The following LINGO2 variants were observed in gnomAD, a reference collection of about 807,000 sequenced individuals.
LINGO2 encodes leucine-rich repeat and immunoglobulin-like domain-containing nogo receptor-interacting protein 2.
Under a neutral mutation model 30.6 loss-of-function variants are expected in LINGO2, and 14 were observed. That is an observed-to-expected ratio of 0.46 (90% CI 0.30 to 0.72). The LOEUF (loss-of-function observed/expected upper bound fraction) is 0.72. LINGO2 is among the 30% of genes least tolerant of loss of function. The pLI, the probability that LINGO2 is intolerant of heterozygous loss-of-function variation, is 0.07. For synonymous variants in LINGO2, 317 were observed against 288.5 expected (o/e 1.10, Z -1.00); for missense variants, 729 against 751.7 (o/e 0.97, Z 0.35).
the LINGO2 span, among the ~76,000 whole-genome samples, chr9:29,202,043 A>G: frequency 6.6e-6 from 1 of 152,048 alleles, no homozygotes; most frequent in Non-Finnish European, 1.5e-5. Flanking sequence ...TAAATGTTCT[A>G]AAAATCACAG....
chr9:28,424,250 A>T (rs1233406637), intron 2 of LINGO2, among the ~76,000 whole-genome samples: 1 of 152,144 alleles, frequency 6.6e-6, no homozygotes, highest in African/African-American at 2.4e-5. Flanking sequence ...CACTTTGTGT[A>T]GAAGAACATG....
At chr9:28,509,444 G>A (rs1820282076) in intron 1 of LINGO2, among the ~76,000 whole-genome samples, 1 of 151,900 alleles carries the variant, frequency 6.6e-6, no homozygotes, top group African/African-American at 2.4e-5. Flanking sequence ...TTCCTATCTG[G>A]ATATTTTTCT....
chr9:28,474,311 T>C (rs1825642307), intron 2 of LINGO2, among the ~76,000 whole-genome samples: 1 of 152,162 alleles, frequency 6.6e-6, no homozygotes, highest in Admixed American at 6.5e-5. Flanking sequence ...CTTAGAATTG[T>C]ACACAGGTCG....
intron 1 of LINGO2, among the ~76,000 whole-genome samples, chr9:28,571,101 A>G (rs1823668583): frequency 6.6e-6 from 1 of 151,972 alleles, no homozygotes; most frequent in Admixed American, 6.6e-5. Context: ...GAGATCCATG[A>G]TGTAGACTGA....
At chr9:28,462,252 C>T (rs1216807814) in intron 2 of LINGO2, among the ~76,000 whole-genome samples, 1 of 151,764 alleles carries the variant, frequency 6.6e-6, no homozygotes, top group Non-Finnish European at 1.5e-5. Context: ...GTTGCAGAAT[C>T]CCTAAGGTGA....
At chr9:29,206,054 G>A in the LINGO2 span, among the ~76,000 whole-genome samples, 2 of 152,186 alleles carry the variant, frequency 1.3e-5, no homozygotes, top group African/African-American at 4.8e-5. Flanking sequence ...GCATGTATCA[G>A]TATTTCATTC....
chr9:27,974,323 A>G (rs1396810309), intron 5 of LINGO2, among the ~76,000 whole-genome samples: 2 of 152,134 alleles, frequency 1.3e-5, no homozygotes, highest in African/African-American at 4.8e-5. Context: ...ATTGAACACC[A>G]TCTATTTTTC....
At chr9:29,007,395 C>T in the LINGO2 span, among the ~76,000 whole-genome samples, 2 of 151,966 alleles carry the variant, frequency 1.3e-5, no homozygotes, top group African/African-American at 2.4e-5. Flanking sequence ...AAAATATACG[C>T]CTAAATAATT....
chr9:28,194,680 A>T (rs1012547520), intron 4 of LINGO2, among the ~76,000 whole-genome samples: 2 of 151,900 alleles, frequency 1.3e-5, no homozygotes, highest in African/African-American at 4.8e-5. Flanking sequence ...ACAATGTGAC[A>T]TAGAAATCAG....
intron 4 of LINGO2, among the ~76,000 whole-genome samples, chr9:28,189,677 AAGGAAGGG>A (rs1564029497): frequency 1.5e-3 from 39 of 25,596 alleles, no homozygotes; most frequent in South Asian, 3.1e-3. Context: ...GGGAGGAAGG[AAGGAAGGG>A]AGGAAGGAAG....
At chr9:29,110,765 A>C in the LINGO2 span, among the ~76,000 whole-genome samples, 1 of 151,416 alleles carries the variant, frequency 6.6e-6, no homozygotes, top group Non-Finnish European at 1.5e-5. Context: ...ATCTCGGCTC[A>C]CTGCAAGCTC....
At chr9:28,470,039 T>C (rs1227467362) in intron 2 of LINGO2, among the ~76,000 whole-genome samples, 1 of 152,150 alleles carries the variant, frequency 6.6e-6, no homozygotes, top group South Asian at 2.1e-4. Context: ...CCTTTATGTA[T>C]ATGTATATAT....
the LINGO2 span, among the ~76,000 whole-genome samples, chr9:28,758,784 A>G: frequency 6.6e-6 from 1 of 152,052 alleles, no homozygotes; most frequent in Non-Finnish European, 1.5e-5. Flanking sequence ...AATTATAATC[A>G]CCAAGGATAG....
chr9:28,974,651 C>T, the LINGO2 span, among the ~76,000 whole-genome samples: 3 of 152,044 alleles, frequency 2.0e-5, no homozygotes, highest in African/African-American at 7.2e-5. Context: ...TTTGAGAACA[C>T]TAAGATATTC....
the LINGO2 span, among the ~76,000 whole-genome samples, chr9:29,088,560 C>T: frequency 2.6e-5 from 4 of 152,136 alleles, no homozygotes; most frequent in Non-Finnish European, 4.4e-5. Flanking sequence ...AATTTTATAA[C>T]ATCTTCTAAC....
the LINGO2 span, among the ~76,000 whole-genome samples, chr9:28,955,289 CATATT>C: frequency 6.6e-6 from 1 of 152,030 alleles, no homozygotes. Flanking sequence ...AGTATGCTAT[CATATT>C]AGATTGTCAA....
exon 6 of LINGO2, chr9:27,949,183 A>C: frequency 1.9e-6 from 3 of 1,613,902 alleles, no homozygotes; most frequent in Non-Finnish European, 2.5e-6. Context: ...ACAGTTAAGG[A>C]GGCTGTGAAG....
At chr9:28,292,226 T>C (rs1823755959) in intron 4 of LINGO2, among the ~76,000 whole-genome samples, 1 of 152,156 alleles carries the variant, frequency 6.6e-6, no homozygotes, top group South Asian at 2.1e-4. Flanking sequence ...TGACTCCAGC[T>C]CTCATTAGCC....
intron 4 of LINGO2, among the ~76,000 whole-genome samples, chr9:28,206,208 A>G (rs1375767918): frequency 6.6e-6 from 1 of 150,380 alleles, no homozygotes; most frequent in Middle Eastern, 3.4e-3. Context: ...GGAAGAAATT[A>G]TATCTCAGGA....
Sources: allele counts gnomAD v4.1 joint callset (sites outside exome capture counted in the v4.1 genomes callset), GRCh38; gene constraint gnomAD v4.1.1; transcripts MANE v1.5; gene names NCBI Gene and HGNC (gene_info 2026-07-23, HGNC 2026-07-21).